The following VPS26A variants were observed in gnomAD, a reference collection of about 807,000 sequenced individuals.
The protein encoded by VPS26A is vacuolar protein sorting-associated protein 26A.
A neutral mutation model predicts 42.4 loss-of-function variants in VPS26A; 22 were observed. That is an observed-to-expected ratio of 0.52 (90% CI 0.37 to 0.74). The LOEUF is 0.74. Among genes scored for constraint, VPS26A ranks in the 30% least tolerant of loss-of-function variants. VPS26A has a pLI of 0.00. For synonymous variants in VPS26A, 110 were observed against 123.5 expected (o/e 0.89, Z 0.73); for missense variants, 276 against 379.2 (o/e 0.73, Z 2.26).
intron 2 of VPS26A, among the ~76,000 whole-genome samples, chr10:69,143,412 G>A (rs1191197140): frequency 6.6e-6 from 1 of 152,088 alleles, no homozygotes; most frequent in Non-Finnish European, 1.5e-5. Flanking sequence ...GATCTTGGAG[G>A]TCTGACATCT....
chr10:69,129,502 T>TAA (rs1840730100), intron 1 of VPS26A, among the ~76,000 whole-genome samples: 1 of 152,094 alleles, frequency 6.6e-6, no homozygotes, highest in East Asian at 1.9e-4. Context: ...TCGAGTTTGT[T>TAA]ATTTGTAATT....
chr10:69,140,551 T>TA (rs1381735737), intron 2 of VPS26A, among the ~76,000 whole-genome samples: 2 of 151,424 alleles, frequency 1.3e-5, no homozygotes, highest in Admixed American at 6.6e-5. Context: ...TTATTATTAT[T>TA]TTTGGTATTT....
chr10:69,156,432 G>T (rs1345758807), intron 3 of VPS26A, among the ~76,000 whole-genome samples: 5 of 152,046 alleles, frequency 3.3e-5, no homozygotes, highest in Admixed American at 3.3e-4. Context: ...AGATTCAGAA[G>T]AGAAAAGAAA....
At chr10:69,124,887 G>C (rs1449997826) in intron 1 of VPS26A, among the ~76,000 whole-genome samples, 1 of 152,214 alleles carries the variant, frequency 6.6e-6, no homozygotes, top group Non-Finnish European at 1.5e-5. Flanking sequence ...TTTGGTGCCC[G>C]CCGTTTTAAG....
intron 1 of VPS26A, among the ~76,000 whole-genome samples, chr10:69,128,346 C>T (rs577414619): frequency 3.3e-5 from 5 of 151,516 alleles, no homozygotes; most frequent in East Asian, 3.9e-4. Flanking sequence ...ATTCTGCTGC[C>T]TCAGCCTCCC....
chr10:69,169,026 T>C (rs1292176319), intron 8 of VPS26A, among the ~76,000 whole-genome samples: 1 of 151,696 alleles, frequency 6.6e-6, no homozygotes, highest in Non-Finnish European at 1.5e-5. Context: ...ATTATGGATA[T>C]TGCTTTTTTT....
At chr10:69,146,443 A>G (rs1209952590) in intron 2 of VPS26A, among the ~76,000 whole-genome samples, 2 of 152,222 alleles carry the variant, frequency 1.3e-5, no homozygotes, top group Admixed American at 6.5e-5. Context: ...AAAATTTGCC[A>G]TTTTAACAGT....
chr10:69,158,053 T>C lies in VPS26A; in HGVS notation c.393T>C (p.Phe131=). Residue 131 remains phenylalanine (F), a synonymous_variant, in exon 5 of 9, where the codon TTT becomes TTC. Transcript: ENST00000263559. The stretch of plus-strand genomic sequence containing the variant: ...CTCTCTTTTAACTTTGTAGGTATTT[T>C]CTTAAAGTGACAATAGTGAGAAGAC... ...YIGANVRLRY[F]LKVTIVRRLT... 6.3e-7 allele frequency: 1 copy of C among 1,597,862 alleles called. No individual in the cohort carries two copies. The highest frequency in any genetic ancestry group is 8.5e-7 in the Non-Finnish European group (1 of 1,175,396).
At chr10:69,129,554 T>A (rs1022954371) in intron 1 of VPS26A, among the ~76,000 whole-genome samples, 3 of 149,990 alleles carry the variant, frequency 2.0e-5, no homozygotes, top group African/African-American at 7.3e-5. Context: ...AAAAAAAAAT[T>A]TTTTTTTTTT....
intron 2 of VPS26A, among the ~76,000 whole-genome samples, chr10:69,142,296 C>G (rs562058052): frequency 6.6e-6 from 1 of 150,608 alleles, no homozygotes. Context: ...AAGTAATCCT[C>G]CTACCTCAGC....
intron 1 of VPS26A, among the ~76,000 whole-genome samples, chr10:69,129,793 G>A (rs1035740493): frequency 1.3e-5 from 2 of 152,206 alleles, no homozygotes; most frequent in African/African-American, 4.8e-5. Flanking sequence ...AAAGTGCTGG[G>A]ATTACAGGTG....
intron 8 of VPS26A, among the ~76,000 whole-genome samples, chr10:69,169,754 A>G (rs1841775633): frequency 6.6e-6 from 1 of 151,564 alleles, no homozygotes; most frequent in Admixed American, 6.6e-5. Flanking sequence ...GATTATAGGT[A>G]TGCACCACCA....
At chr10:69,155,644 C>T (rs986848167) in intron 2 of VPS26A, among the ~76,000 whole-genome samples, 168 bp from the exon 3 acceptor site, 2 of 152,196 alleles carry the variant, frequency 1.3e-5, no homozygotes, top group Admixed American at 6.5e-5. Flanking sequence ...AACTAAATTA[C>T]ACCTTCTCTG....
At chr10:69,126,134 T>C (rs1465214869) in intron 1 of VPS26A, among the ~76,000 whole-genome samples, 2 of 152,150 alleles carry the variant, frequency 1.3e-5, no homozygotes, top group East Asian at 1.9e-4. Context: ...CTTGAAGATA[T>C]CTTTACCAAA....
At chr10:69,146,854 C>CT (rs1841170826) in intron 2 of VPS26A, among the ~76,000 whole-genome samples, 1 of 152,170 alleles carries the variant, frequency 6.6e-6, no homozygotes. Flanking sequence ...TGGGTTGGTA[C>CT]TATTTGACCA....
intron 1 of VPS26A, among the ~76,000 whole-genome samples, chr10:69,126,370 G>A (rs1589340580): frequency 6.6e-6 from 1 of 152,008 alleles, no homozygotes; most frequent in Admixed American, 6.6e-5. Flanking sequence ...TACTCGGGAG[G>A]CGGAAGTTGC....
In VPS26A at chr10:69,158,173, A is replaced by C; in HGVS notation, c.513A>C (p.Glu171Asp). The change falls in exon 5 of 9, where the codon GAA becomes GAC. Residue 171 changes from glutamate (E) to aspartate (D), a missense_variant. Transcript: ENST00000263559. ...CTATTAAGATGGAAGTGGGCATTGA[A>C]GATTGTCTACATATAGAATTTGAAT... ...NNSIKMEVGIEDCLHIEFEYN... is the reference protein window; with the variant it reads ...NNSIKMEVGIDDCLHIEFEYN... 1 of 1,609,436 alleles carries C rather than the reference A, an allele frequency of 6.2e-7. No homozygotes were observed. Among genetic ancestry groups the C allele is most frequent in the Non-Finnish European group, 8.5e-7 (1 of 1,178,252 alleles).
chr10:69,168,609 AC>A lies in VPS26A; in HGVS notation c.850del (p.Arg284GlyfsTer9). 1 of 1,613,882 alleles carries A rather than the reference AC, an allele frequency of 6.2e-7. No homozygotes were observed. The highest frequency in any genetic ancestry group is 8.5e-7 in the Non-Finnish European group (1 of 1,179,912). On this transcript the variant is annotated frameshift_variant, in exon 8 of 9. Transcript: ENST00000263559. LOFTEE classifies it high-confidence loss of function. ...AATTTAGTGCTTGTTGATGAGGAAG[AC>A]CGGAGGTACTTCAAACAGCAGGTAT... ...FLNLVLVDEEDRRYFKQQEII... is the reference protein window; with the variant it reads ...FLNLVLVDEEXRRYFKQQEII...
At chr10:69,141,960 T>A (rs1283700365) in intron 2 of VPS26A, among the ~76,000 whole-genome samples, 1 of 152,162 alleles carries the variant, frequency 6.6e-6, no homozygotes, top group African/African-American at 2.4e-5. Context: ...CTTGGCTCAC[T>A]GCAACCTCTG....
Sources: allele counts gnomAD v4.1 joint callset (sites outside exome capture counted in the v4.1 genomes callset), GRCh38; gene constraint gnomAD v4.1.1; transcripts MANE v1.5; gene names NCBI Gene and HGNC (gene_info 2026-07-23, HGNC 2026-07-21).